The following DCC variants were observed in gnomAD, a reference collection of about 807,000 sequenced individuals.
DCC encodes the protein DCC netrin 1 receptor, also known as netrin receptor DCC.
DCC carries 58 observed loss-of-function variants against 172.5 expected under a neutral mutation model. The observed-to-expected ratio is 0.34, with a 90% confidence interval of 0.27 to 0.42. DCC has a LOEUF of 0.42. Ranked by LOEUF, DCC falls within the 10% of genes least tolerant of loss-of-function variation. The pLI, the probability that DCC is intolerant of heterozygous loss-of-function variation, is 1.00. For missense variants in DCC, 1,740 were observed against 1,791.0 expected (o/e 0.97, Z 0.51); for synonymous variants, 709 against 644.5 (o/e 1.10, Z -1.52).
chr18:53,024,340 C>G (rs1281609217), intron 5 of DCC, among the ~76,000 whole-genome samples: 1 of 152,090 alleles, frequency 6.6e-6, no homozygotes, highest in Non-Finnish European at 1.5e-5. Context: ...TTAGGCAGGC[C>G]AATTCTTCAC....
intron 21 of DCC, among the ~76,000 whole-genome samples, chr18:53,425,377 T>TTTTTTTTTTTTTA (rs1910861916): frequency 6.8e-6 from 1 of 146,104 alleles, no homozygotes. Flanking sequence ...TTTTTTTTTT[T>TTTTTTTTTTTTTA]GAGACAGAGT....
intron 5 of DCC, among the ~76,000 whole-genome samples, chr18:53,028,771 C>T (rs992914673): frequency 6.6e-6 from 1 of 152,124 alleles, no homozygotes; most frequent in African/African-American, 2.4e-5. Flanking sequence ...TCCCACCCAA[C>T]CAGTGTTACT....
At chr18:52,785,277 A>G (rs913852493) in intron 2 of DCC, among the ~76,000 whole-genome samples, 2 of 152,056 alleles carry the variant, frequency 1.3e-5, no homozygotes, top group Non-Finnish European at 2.9e-5. Context: ...TACTGCTGGC[A>G]TTCACCTGTG....
intron 2 of DCC, among the ~76,000 whole-genome samples, chr18:52,825,848 A>G (rs2038499812): frequency 6.6e-6 from 1 of 152,200 alleles, no homozygotes; most frequent in South Asian, 2.1e-4. Flanking sequence ...AATGTGACAT[A>G]TGGTTGGTTT....
At chr18:52,884,603 GTTATC>G (rs2039542688) in intron 2 of DCC, among the ~76,000 whole-genome samples, 1 of 151,994 alleles carries the variant, frequency 6.6e-6, no homozygotes, top group African/African-American at 2.4e-5. Flanking sequence ...TCTTTGCGGT[GTTATC>G]TTTAATTTTG....
chr18:52,615,297 A>T (rs2034359170), intron 1 of DCC, among the ~76,000 whole-genome samples: 1 of 152,164 alleles, frequency 6.6e-6, no homozygotes, highest in South Asian at 2.1e-4. Context: ...CTGCCCTCAG[A>T]TCACATCCTT....
At chr18:52,725,189 A>G (rs73957630) in intron 1 of DCC, among the ~76,000 whole-genome samples, 2,726 of 152,208 alleles carry the variant, frequency 0.018, 98 homozygotes, top group African/African-American at 0.062. Flanking sequence ...AAGGAATGCT[A>G]GACTCAGGGA....
intron 2 of DCC, among the ~76,000 whole-genome samples, chr18:52,821,725 T>C (rs9964788): frequency 5.9e-5 from 9 of 152,184 alleles, no homozygotes; most frequent in African/African-American, 2.2e-4. Context: ...TATTTCTGTA[T>C]GTATCTGTTT....
chr18:52,555,447 A>AAGAATTCCTAATTTAGT (rs1404777457), intron 1 of DCC, among the ~76,000 whole-genome samples: 1 of 152,162 alleles, frequency 6.6e-6, no homozygotes, highest in East Asian at 1.9e-4. Flanking sequence ...TAGTGAATAC[A>AAGAATTCCTAATTTAGT]GAATTATAAG....
intron 15 of DCC, among the ~76,000 whole-genome samples, chr18:53,341,333 T>G (rs181251973): frequency 1.1e-4 from 17 of 152,292 alleles, no homozygotes; most frequent in African/African-American, 3.6e-4. Context: ...TTCTAATGAT[T>G]CTCTTCGTTA....
intron 1 of DCC, among the ~76,000 whole-genome samples, chr18:52,492,649 A>C (rs78153817): frequency 0.062 from 9,357 of 152,110 alleles, 355 homozygotes; most frequent in East Asian, 0.084. Flanking sequence ...GGAAGAAAAA[A>C]AAAGACATAA....
At chr18:52,781,475 T>C (rs564068182) in intron 2 of DCC, among the ~76,000 whole-genome samples, 1 of 152,300 alleles carries the variant, frequency 6.6e-6, no homozygotes, top group Non-Finnish European at 1.5e-5. Context: ...TGAATACTTC[T>C]ATGCAAGTGT....
intron 6 of DCC, 197 bp downstream of exon 6, chr18:53,063,656 A>G (rs2042527687): frequency 1.8e-6 from 1 of 550,922 alleles, no homozygotes; most frequent in African/African-American, 1.9e-5. Flanking sequence ...CAAAGAATTC[A>G]GCCCCCTGGT....
intron 24 of DCC, among the ~76,000 whole-genome samples, chr18:53,466,229 T>A (rs953438194): frequency 6.6e-6 from 1 of 152,226 alleles, no homozygotes; most frequent in African/African-American, 2.4e-5. Flanking sequence ...GTTGCCATTT[T>A]AAAACCCACA....
intron 2 of DCC, among the ~76,000 whole-genome samples, chr18:52,760,750 A>C (rs1211177062): frequency 6.6e-6 from 1 of 152,216 alleles, no homozygotes; most frequent in African/African-American, 2.4e-5. Flanking sequence ...GAATTAAGAT[A>C]TTAATATTAG....
chr18:53,100,733 G>A (rs570757839), intron 7 of DCC, among the ~76,000 whole-genome samples: 1 of 152,118 alleles, frequency 6.6e-6, no homozygotes, highest in Non-Finnish European at 1.5e-5. Flanking sequence ...GTCTAGTTGT[G>A]CTGGTCCCAT....
At chr18:53,484,015 A>ATAGT (rs1555677904) in intron 25 of DCC, among the ~76,000 whole-genome samples, 20 of 151,004 alleles carry the variant, frequency 1.3e-4, no homozygotes, top group African/African-American at 4.9e-4. Flanking sequence ...AGATAGATAT[A>ATAGT]GTGTGTGTGT....
At chr18:53,416,017 C>T (rs2040478315) in intron 20 of DCC, 107 bp from the exon 21 acceptor site, 1 of 795,710 alleles carries the variant, frequency 1.3e-6, no homozygotes, top group African/African-American at 1.7e-5. Context: ...CAAGAGGGCA[C>T]TAGCTTTGAA....
Position 52,406,979 on chromosome 18 carries a change from G to A in DCC, c.91+66101G>A, listed in dbSNP as rs565659557. On this transcript the variant is annotated intron_variant, in intron 1 of 28. Transcript: ENST00000442544. ...GAATATTTTTGTTGAGATTCACACCGGTGCTTAAAAATCACCATGTTGTTT... is the reference window on the plus strand; with the variant it reads ...GAATATTTTTGTTGAGATTCACACCAGTGCTTAAAAATCACCATGTTGTTT... Among the ~76,000 whole-genome samples, 28 of 151,686 alleles carry A rather than the reference G, an allele frequency of 1.8e-4. No individual in the cohort carries two copies. In the East Asian group the frequency reaches 3.9e-3, roughly 21 times the overall value.
Sources: allele counts gnomAD v4.1 joint callset (sites outside exome capture counted in the v4.1 genomes callset), GRCh38; gene constraint gnomAD v4.1.1; transcripts MANE v1.5; gene names NCBI Gene and HGNC (gene_info 2026-07-23, HGNC 2026-07-21).